The following ASH1L variants were observed in gnomAD, a reference collection of about 807,000 sequenced individuals.
ASH1L encodes the protein ASH1 like histone lysine methyltransferase, also known as histone-lysine N-methyltransferase ASH1L.
ASH1L carries 23 observed loss-of-function variants against 269.0 expected under a neutral mutation model. That is an observed-to-expected ratio of 0.09 (90% CI 0.06 to 0.12). ASH1L has a LOEUF of 0.12. ASH1L is among the 10% of genes least tolerant of loss of function. The pLI, the probability that ASH1L is intolerant of heterozygous loss-of-function variation, is 1.00. For missense variants in ASH1L, 2,912 were observed against 3,567.8 expected (o/e 0.82, Z 4.68); for synonymous variants, 1,187 against 1,253.5 (o/e 0.95, Z 1.12).
intron 4 of ASH1L, among the ~76,000 whole-genome samples, chr1:155,442,389 C>T (rs948127939): frequency 7.9e-5 from 12 of 151,748 alleles, no homozygotes; most frequent in South Asian, 4.2e-4. Context: ...TTGAAACCAG[C>T]CTGGCCAACA....
chr1:155,486,214 A>G (rs1666318748), intron 2 of ASH1L, among the ~76,000 whole-genome samples: 1 of 152,196 alleles, frequency 6.6e-6, no homozygotes, highest in African/African-American at 2.4e-5. Context: ...CTTTAAATGA[A>G]CACAATACAT....
At chr1:155,544,285 AC>A (rs971366822) in intron 1 of ASH1L, among the ~76,000 whole-genome samples, 10 of 140,048 alleles carry the variant, frequency 7.1e-5, no homozygotes, top group African/African-American at 2.1e-4. Flanking sequence ...TGGTGGAGAA[AC>A]CCCCTTTTTT....
chr1:155,338,399 A>T lies in ASH1L; in HGVS notation c.8502-9T>A. 6.2e-7 allele frequency: 1 copy of T among 1,608,210 alleles called. No individual in the cohort carries two copies. The highest frequency in any genetic ancestry group is 1.1e-5 in the South Asian group (1 of 90,642). ...CAGACTTCCAGGATGATCTGCCAGA[A>T]GGATATCTGAATTTAGTGTAAGACA... On this transcript the variant is annotated splice_polypyrimidine_tract_variant and intron_variant, in intron 26 of 27. Transcript: ENST00000392403.
At chr1:155,387,447 G>A (rs974524232) in intron 7 of ASH1L, among the ~76,000 whole-genome samples, 2 of 152,154 alleles carry the variant, frequency 1.3e-5, no homozygotes, top group African/African-American at 2.4e-5. Flanking sequence ...AGTTGTAGGT[G>A]TGCAGTCTTA....
intron 5 of ASH1L, among the ~76,000 whole-genome samples, chr1:155,422,426 TTAG>T (rs1660773050): frequency 1.3e-5 from 2 of 151,588 alleles, no homozygotes; most frequent in Admixed American, 6.6e-5. Context: ...TTTTGTATTT[TTAG>T]TAGAAGCGGG....
intron 7 of ASH1L, among the ~76,000 whole-genome samples, chr1:155,381,036 C>T (rs184569587): frequency 6.6e-6 from 1 of 152,168 alleles, no homozygotes; most frequent in African/African-American, 2.4e-5. Flanking sequence ...AATAAGGGAG[C>T]TGAAAAATTC....
chr1:155,365,623 A>G (rs1655352060), intron 12 of ASH1L, among the ~76,000 whole-genome samples: 1 of 152,100 alleles, frequency 6.6e-6, no homozygotes, highest in African/African-American at 2.4e-5. Context: ...AAACCAGATG[A>G]TACAATTGGA....
At chr1:155,428,212 G>A (rs892744135) in intron 5 of ASH1L, among the ~76,000 whole-genome samples, 1 of 152,150 alleles carries the variant, frequency 6.6e-6, no homozygotes, top group African/African-American at 2.4e-5. Context: ...GCCAAGGCAG[G>A]TGGATCACCT....
intron 4 of ASH1L, among the ~76,000 whole-genome samples, chr1:155,445,580 G>A (rs185088482): frequency 6.6e-6 from 1 of 152,120 alleles, no homozygotes; most frequent in Non-Finnish European, 1.5e-5. Flanking sequence ...TCTTCCTGCA[G>A]TGGCCTCCGA....
At chr1:155,526,711 A>G (rs1383924705) in intron 1 of ASH1L, among the ~76,000 whole-genome samples, 9 of 152,176 alleles carry the variant, frequency 5.9e-5, no homozygotes, top group African/African-American at 1.7e-4. Flanking sequence ...TGCCCACCAT[A>G]TATCTACCTA....
chr1:155,433,534 C>G, intron 5 of ASH1L: 1 of 1,610,568 alleles, frequency 6.2e-7, no homozygotes, highest in Non-Finnish European at 8.5e-7. Flanking sequence ...GCACCGTCCC[C>G]CCTGGTGCCG....
At chr1:155,415,368 C>G (rs1417543916) in intron 6 of ASH1L, among the ~76,000 whole-genome samples, 6 of 131,380 alleles carry the variant, frequency 4.6e-5, no homozygotes, top group Admixed American at 8.7e-5. Flanking sequence ...GGTGACAGGG[C>G]GAGACTCCGT....
intron 3 of ASH1L, among the ~76,000 whole-genome samples, chr1:155,467,194 G>A (rs1664758823): frequency 6.6e-6 from 1 of 152,172 alleles, no homozygotes; most frequent in Non-Finnish European, 1.5e-5. Flanking sequence ...CCAGCCATGA[G>A]TCACATATGC....
intron 1 of ASH1L, among the ~76,000 whole-genome samples, chr1:155,549,580 G>A (rs1342177897): frequency 6.7e-6 from 1 of 149,650 alleles, no homozygotes; most frequent in South Asian, 2.1e-4. Context: ...AGCCGAGATC[G>A]TGCCATTGCA....
chr1:155,474,716 A>C (rs1229113530), intron 3 of ASH1L, among the ~76,000 whole-genome samples: 2 of 152,134 alleles, frequency 1.3e-5, no homozygotes. Flanking sequence ...AAAGAAAAAA[A>C]AAAACTGTGT....
Position 155,479,921 on chromosome 1 carries a change from G to T in ASH1L, c.2949C>A (p.Ile983=). The part of the protein sequence containing the change: ...RNNGQLMKTI[I]RKINKMKTLK... ...AAGTCTTCATTTTATTTATTTTGCG[G>T]ATAATTGTTTTCATTAATTGTCCAT... Residue 983 remains isoleucine, a synonymous_variant, in exon 3 of 28, where the codon ATC becomes ATA. Coordinates refer to ENST00000392403, the MANE Select transcript of ASH1L (RefSeq NM_018489.3). 6.2e-7 allele frequency: 1 copy of T among 1,613,452 alleles called. No individual in the cohort carries two copies. Among genetic ancestry groups the T allele is most frequent in the Non-Finnish European group, 8.5e-7 (1 of 1,179,822 alleles).
At chr1:155,364,240 G>A (rs1655215354) in intron 12 of ASH1L, among the ~76,000 whole-genome samples, 1 of 152,158 alleles carries the variant, frequency 6.6e-6, no homozygotes, top group Non-Finnish European at 1.5e-5. Flanking sequence ...TTCAACCCTG[G>A]TGACAGAGTG....
At position 155,433,170 on chromosome 1, in the gene ASH1L, T is replaced by C. The variant is rs768446450; in HGVS notation, c.5828+5157A>G. On this transcript the variant is annotated intron_variant, in intron 5 of 27. Transcript: ENST00000392403. ...CACCAGGCCCCCAGCTTGGGGCGCC[T>C]TCCTTCCCCATGGCGGGACACCTGG... 5 of 1,519,906 alleles carry C rather than the reference T, an allele frequency of 3.3e-6. No homozygotes were observed. In the South Asian group the frequency reaches 4.9e-5, roughly 15 times the overall value. The allele number at this position is 1,519,906 out of a possible 1,614,324, so 94.2% of individuals were successfully genotyped here.
At chr1:155,534,160 C>A (rs551934996) in intron 1 of ASH1L, among the ~76,000 whole-genome samples, 4 of 145,910 alleles carry the variant, frequency 2.7e-5, no homozygotes, top group Non-Finnish European at 6.0e-5. Context: ...GGAAACAGGC[C>A]GAGATCCAAT....
Sources: gnomAD v4.1 joint callset for allele counts (sites outside exome capture counted in the v4.1 genomes callset) on GRCh38, gnomAD v4.1.1 for gene constraint, MANE v1.5 for transcripts, NCBI Gene and HGNC (gene_info 2026-07-23, HGNC 2026-07-21) for gene names.